The following MUC12 variants were observed in gnomAD, a reference collection of about 807,000 sequenced individuals.
MUC12 encodes the protein mucin 12, cell surface associated, also known as mucin-12.
A neutral mutation model predicts 230.8 loss-of-function variants in MUC12; 172 were observed. The observed-to-expected ratio is 0.75, with a 90% CI of 0.66 to 0.85. The LOEUF is 0.85. Among genes scored for constraint, MUC12 ranks in the 40% least tolerant of loss-of-function variants. The pLI, the probability that MUC12 is intolerant of heterozygous loss-of-function variation, is 0.00. For missense variants in MUC12, 3,506 were observed against 5,920.6 expected (o/e 0.59, Z 13.38); for synonymous variants, 1,259 against 2,401.9 (o/e 0.52, Z 13.91).
chr7:101,008,776 C>T lies in MUC12; in HGVS notation c.15186+15C>T, dbSNP rs760171584. The T allele has an allele frequency of 3.5e-5, 54 of 1,534,626 alleles. No individual in the cohort carries two copies. The highest frequency in any genetic ancestry group is 4.7e-5 in the Non-Finnish European group (54 of 1,145,536). ...TCAAGAATCGGGTAAGACCAGGGCA[C>T]ACCCAGACACCCCAGGGTGATGTCC... On this transcript the variant is annotated intron_variant, in intron 4 of 11. Coordinates refer to ENST00000536621, the MANE Select transcript of MUC12 (RefSeq NM_001164462.2).
In MUC12 at chr7:100,991,674, A is replaced by G. The variant is rs1203733774; in HGVS notation, c.1111A>G (p.Met371Val). ...CAGGAGCCCGGGCTCAACTCAAACA[A>G]TGCACTTCCCTGAAAGCTCCACAAC... ...YHRSPGSTQT[M>V]HFPESSTTSG... Residue 371 changes from methionine to valine, a missense_variant, in exon 2 of 12, where the codon ATG becomes GTG. By Grantham distance (21) the Met-to-Val change is conservative (BLOSUM62 1). Coordinates refer to ENST00000536621, the MANE Select transcript of MUC12 (RefSeq NM_001164462.2). The G allele has an allele frequency of 1.3e-6, 2 of 1,537,588 alleles. No individual in the cohort carries two copies. Among genetic ancestry groups the G allele is most frequent in the African/African-American group, 1.4e-5 (1 of 73,160 alleles).
chr7:100,978,508 T>C (rs1001766890), intron 1 of MUC12, among the ~76,000 whole-genome samples: 2 of 152,178 alleles, frequency 1.3e-5, no homozygotes, highest in Non-Finnish European at 2.9e-5. Context: ...AGAGGTTCGC[T>C]GGATTGCACA....
In MUC12 at chr7:101,005,337, C is replaced by T. The variant is rs781509704; in HGVS notation, c.14774C>T (p.Thr4925Ile). 5.7e-5 allele frequency: 87 copies of T among 1,537,854 alleles called. No individual in the cohort carries two copies. Among genetic ancestry groups the T allele is most frequent in the Non-Finnish European group, 7.6e-5 (87 of 1,147,074 alleles). Residue 4925 changes from threonine (T) to isoleucine (I), a missense_variant, in exon 2 of 12, where the codon ACA (threonine) becomes ATA (isoleucine). Thr to Ile is a moderately conservative substitution (Grantham distance 89). Coordinates refer to ENST00000536621, the MANE Select transcript of MUC12 (RefSeq NM_001164462.2). ...ACAACACCCTTACCTGCCCGCTCCA[C>T]AGCCTCAGACCTTGTTGGAGAACCT... ...TGTTPLPARS[T>I]ASDLVGEPTT...
rs1172490848 is a variant in MUC12, at chr7:101,005,274, A to G, written c.14711A>G (p.Glu4904Gly). The G allele has an allele frequency of 6.5e-7, 1 of 1,537,894 alleles. No individual in the cohort carries two copies. Among genetic ancestry groups the G allele is most frequent in the Admixed American group, 2.0e-5 (1 of 51,006 alleles). The change falls in exon 2 of 12, where the codon GAA (glutamate) becomes GGA (glycine). Residue 4904 changes from glutamate to glycine, a missense_variant. Transcript: ENST00000536621. The part of the protein sequence containing the change: ...ATLTTTDIGQ[E>G]STAFHSSSDA... ...CTCACAACCACAGACATTGGTCAGGAATCAACAGCCTTCCACAGCAGCTCA... is the reference window on the plus strand; with the variant it reads ...CTCACAACCACAGACATTGGTCAGGGATCAACAGCCTTCCACAGCAGCTCA...
intron 3 of MUC12, among the ~76,000 whole-genome samples, 177 bp downstream of exon 3, chr7:101,006,749 T>C (rs1183058454): frequency 2.0e-5 from 3 of 151,982 alleles, no homozygotes; most frequent in Non-Finnish European, 1.5e-5. Flanking sequence ...GGGACAAAAG[T>C]AGAAGGTAGA....
chr7:101,012,280 C>T lies in MUC12; in HGVS notation c.15252-16C>T, dbSNP rs1274683700. The T allele has an allele frequency of 7.8e-6, 12 of 1,536,288 alleles. No homozygotes were observed. The highest frequency in any genetic ancestry group is 1.7e-4 in the Middle Eastern group (1 of 6,008). On this transcript the variant is annotated splice_polypyrimidine_tract_variant and intron_variant, in intron 5 of 11. Transcript: ENST00000536621. The stretch of plus-strand genomic sequence containing the variant: ...GTGGTGACATGGGTAACTGATGAAA[C>T]GATTCCCACTTCCAGCAACGGTAGC...
At chr7:100,972,680 T>A (rs911620069) in intron 1 of MUC12, among the ~76,000 whole-genome samples, 2 of 152,076 alleles carry the variant, frequency 1.3e-5, no homozygotes, top group African/African-American at 4.8e-5. Flanking sequence ...TTTTTTTGTG[T>A]GTTTTTGGTA....
chr7:101,012,706 C>A, intron 6 of MUC12, 113 bp from the exon 7 acceptor site: 1 of 1,240,178 alleles, frequency 8.1e-7, no homozygotes, highest in South Asian at 1.3e-5. Flanking sequence ...CAAAGACTCC[C>A]ACGGGCATTG....
intron 5 of MUC12, among the ~76,000 whole-genome samples, chr7:101,011,071 G>A (rs1169759536): frequency 6.6e-6 from 1 of 152,116 alleles, no homozygotes; most frequent in African/African-American, 2.4e-5. Flanking sequence ...ACAAAACGAG[G>A]GTGTCCCAGG....
intron 4 of MUC12, 105 bp downstream of exon 4, chr7:101,008,866 C>T: frequency 2.9e-6 from 4 of 1,399,406 alleles, no homozygotes; most frequent in Non-Finnish European, 3.8e-6. Context: ...CTCATGAGCC[C>T]CCTCCCTACC....
At chr7:100,980,903 G>T (rs1793095694) in intron 1 of MUC12, among the ~76,000 whole-genome samples, 1 of 152,032 alleles carries the variant, frequency 6.6e-6, no homozygotes, top group Non-Finnish European at 1.5e-5. Flanking sequence ...GGGTTACAGA[G>T]TGAGACCCCC....
intron 1 of MUC12, among the ~76,000 whole-genome samples, chr7:100,971,450 G>A: frequency 6.6e-6 from 1 of 152,302 alleles, no homozygotes; most frequent in Non-Finnish European, 1.5e-5. Context: ...GAGCCCTGCA[G>A]GACACCTTCG....
chr7:100,985,163 G>A (rs1390881639), intron 1 of MUC12, among the ~76,000 whole-genome samples: 1 of 152,148 alleles, frequency 6.6e-6, no homozygotes, highest in Non-Finnish European at 1.5e-5. Context: ...CCTGGCCAAG[G>A]GGAGCAGAGT....
At chr7:101,017,692 C>G (rs1320206107) in intron 11 of MUC12, 29 bp downstream of exon 11, 8 of 1,487,370 alleles carry the variant, frequency 5.4e-6, no homozygotes, top group African/African-American at 2.8e-5. Flanking sequence ...GCCCCCACCC[C>G]CTGAGGCTGC....
intron 1 of MUC12, among the ~76,000 whole-genome samples, chr7:100,976,103 G>C (rs1793027095): frequency 6.6e-6 from 1 of 152,252 alleles, no homozygotes; most frequent in Non-Finnish European, 1.5e-5. Context: ...ACTAGCCTGG[G>C]CAAAAATATT....
In MUC12 at chr7:100,991,387, C is replaced by T; in HGVS notation, c.824C>T (p.Pro275Leu). 2 of 1,537,834 alleles carry T rather than the reference C, an allele frequency of 1.3e-6. No homozygotes were observed. The highest frequency in any genetic ancestry group is 1.4e-5 in the African/African-American group (1 of 73,152). ...AGCTCTACAACCCATGAGGGAGAAC[C>T]TACCACCTTCCAGAGCTGGCCAAGC... ...PSSSTTHEGE[P>L]TTFQSWPSSK... Residue 275 changes from proline to leucine, a missense_variant, in exon 2 of 12, where the codon CCT (proline) becomes CTT (leucine). Physicochemically the swap from Pro to Leu is moderately conservative, Grantham distance 98. Coordinates refer to ENST00000536621, the MANE Select transcript of MUC12 (RefSeq NM_001164462.2).
Position 100,990,704 on chromosome 7 carries a change from C to G in MUC12, c.141C>G (p.Thr47=). ...ASTPSSSDPF[T]TFSDYGVSVT... ...CACCCAGTTCAAGCGACCCTTTTACCACCTTTAGTGACTATGGGGTGTCAG... is the reference window on the plus strand; with the variant it reads ...CACCCAGTTCAAGCGACCCTTTTACGACCTTTAGTGACTATGGGGTGTCAG... The change falls in exon 2 of 12, where the codon ACC becomes ACG. Residue 47 remains threonine (T), a synonymous_variant. Coordinates refer to ENST00000536621, the MANE Select transcript of MUC12 (RefSeq NM_001164462.2). 2.6e-6 allele frequency: 4 copies of G among 1,537,862 alleles called. No individual in the cohort carries two copies. The highest frequency in any genetic ancestry group is 3.5e-6 in the Non-Finnish European group (4 of 1,147,056).
chr7:100,980,387 A>G (rs1276059444), intron 1 of MUC12, among the ~76,000 whole-genome samples: 4 of 152,210 alleles, frequency 2.6e-5, no homozygotes, highest in East Asian at 3.9e-4. Context: ...AACATTGTTA[A>G]CATTTTATTT....
At position 101,012,997 on chromosome 7, in the gene MUC12, G is replaced by C. The variant is rs769417560; in HGVS notation, c.15493G>C (p.Ala5165Pro). 2.5e-5 allele frequency: 38 copies of C among 1,537,206 alleles called. No individual in the cohort carries two copies. The highest frequency in any genetic ancestry group is 3.1e-5 in the Non-Finnish European group (36 of 1,146,944). The change falls in exon 8 of 12, where the codon GCT becomes CCT. Residue 5165 changes from alanine (A) to proline (P), a missense_variant. Physicochemically the swap from Ala to Pro is conservative, Grantham distance 27. Transcript: ENST00000536621. The part of the protein sequence containing the change: ...FDFQEQCTQK[A>P]AEGYTQFYYV... ...TCCCTCAGAGCAATGCACCCAGAAGGCTGCCGAAGGATATACCCAGTTCTA... is the reference window on the plus strand; with the variant it reads ...TCCCTCAGAGCAATGCACCCAGAAGCCTGCCGAAGGATATACCCAGTTCTA...
Sources: gnomAD v4.1 joint callset for allele counts (sites outside exome capture counted in the v4.1 genomes callset) on GRCh38, gnomAD v4.1.1 for gene constraint, MANE v1.5 for transcripts, NCBI Gene and HGNC (gene_info 2026-07-23, HGNC 2026-07-21) for gene names.